KATNIP: variants seen among roughly 807,000 people sequenced by gnomAD.
KATNIP encodes katanin interacting protein, also known as katanin-interacting protein.
KATNIP carries 126 observed loss-of-function variants against 174.0 expected under a neutral mutation model. The ratio of observed to expected loss-of-function variants is 0.72; its 90% CI spans 0.63 to 0.84. KATNIP has a LOEUF of 0.84. Among genes scored for constraint, KATNIP ranks in the 40% least tolerant of loss-of-function variants. The probability of loss-of-function intolerance (pLI) is 0.00; values close to 1 mark genes in which losing one functional copy is unlikely to be tolerated. For synonymous variants in KATNIP, 810 were observed against 835.7 expected (o/e 0.97, Z 0.53); for missense variants, 1,958 against 2,109.7 (o/e 0.93, Z 1.41).
At position 27,578,966 on chromosome 16, in the gene KATNIP, G is replaced by A. The variant is rs554473248; in HGVS notation, c.63+5010G>A. On this transcript the variant is annotated intron_variant, in intron 2 of 27. Transcript: ENST00000261588. ...AGTTCAGCTGGTAAAAATATTCTTA[G>A]CCTCATTTCTAACAAGTATTCATGG... Among the ~76,000 whole-genome samples, 105 of 152,276 alleles carry A rather than the reference G, an allele frequency of 6.9e-4. 1 individual carries two copies. Among genetic ancestry groups the A allele is most frequent in the South Asian group, 1.9e-3 (9 of 4,826 alleles).
intron 6 of KATNIP, among the ~76,000 whole-genome samples, chr16:27,664,989 A>G (rs2142543856): frequency 6.6e-6 from 1 of 152,336 alleles, no homozygotes; most frequent in Non-Finnish European, 1.5e-5. Flanking sequence ...AAGGGGCAGC[A>G]GAGAGGCTCA....
chr16:27,575,058 T>A (rs1055307242), intron 2 of KATNIP, among the ~76,000 whole-genome samples: 1 of 152,214 alleles, frequency 6.6e-6, no homozygotes, highest in African/African-American at 2.4e-5. Flanking sequence ...CAGTCCTTGA[T>A]CTCAGAGTAT....
chr16:27,719,845 A>AT (rs1419233838), intron 13 of KATNIP, among the ~76,000 whole-genome samples: 1 of 150,372 alleles, frequency 6.7e-6, no homozygotes, highest in Non-Finnish European at 1.5e-5. Context: ...AATTTTTAAA[A>AT]TTTTTTTGTA....
intron 5 of KATNIP, among the ~76,000 whole-genome samples, chr16:27,641,409 C>G (rs76225628): frequency 0.022 from 3,322 of 152,196 alleles, 137 homozygotes; most frequent in African/African-American, 0.076. Flanking sequence ...CTCTTCCATG[C>G]CCCAGAACCA....
chr16:27,642,813 G>A (rs2076843458), intron 5 of KATNIP, among the ~76,000 whole-genome samples: 1 of 125,346 alleles, frequency 8.0e-6, no homozygotes, highest in East Asian at 2.2e-4. Context: ...TCACCGTGTT[G>A]CCTAGGCTGC....
chr16:27,743,033 C>T (rs1259749230), intron 15 of KATNIP, among the ~76,000 whole-genome samples: 1 of 152,212 alleles, frequency 6.6e-6, no homozygotes, highest in Admixed American at 6.5e-5. Context: ...CAACAGGCCA[C>T]AGTGTGTGAT....
intron 5 of KATNIP, among the ~76,000 whole-genome samples, chr16:27,635,520 G>A (rs2076606582): frequency 6.6e-6 from 1 of 152,012 alleles, no homozygotes; most frequent in South Asian, 2.1e-4. Flanking sequence ...AACTACATGT[G>A]TCATGAATGA....
rs956197494 is a variant in KATNIP at position 27,780,179 on chromosome 16, C to T, written c.*1550C>T. The T allele has an allele frequency of 3.3e-5, 5 of 152,084 alleles. No individual in the cohort carries two copies. The highest frequency in any genetic ancestry group is 1.2e-4 in the African/African-American group (5 of 41,372). The allele number at this position is 152,084 out of a possible 1,614,324, so 9.4% of individuals were successfully genotyped here. A position where few individuals can be genotyped will look rare whatever the true frequency, so the allele number is the denominator to read the frequency against. On this transcript the variant is annotated 3_prime_UTR_variant, in exon 28 of 28. Transcript: ENST00000261588. ...CTCCTTCCCAGCTGAGATGTGGGTA[C>T]AGGTCAGATTTGTCAGGGAGATGGC...
At position 27,659,948 on chromosome 16, in the gene KATNIP, C is replaced by A. The variant is rs1014783893; in HGVS notation, c.540+11213C>A. The A allele has an allele frequency of 3.5e-5, 34 of 965,080 alleles. 1 individual carries two copies. In the African/African-American group the frequency reaches 5.5e-4, roughly 16 times the overall value. 59.8% of individuals were successfully genotyped at this position (965,080 alleles called of 1,614,324 possible). The stretch of plus-strand genomic sequence containing the variant: ...GCATGCACCCCCAGTTTGGCCTGGT[C>A]CCCACTACCTATTGTACAACACTGT... On this transcript the variant is annotated intron_variant, in intron 6 of 27. Transcript: ENST00000261588.
chr16:27,745,873 A>T (rs1323443278), intron 15 of KATNIP, among the ~76,000 whole-genome samples: 1 of 150,846 alleles, frequency 6.6e-6, no homozygotes, highest in African/African-American at 2.4e-5. Flanking sequence ...CCCAATTCCC[A>T]TGGAGTCTGC....
At chr16:27,596,320 A>T (rs1433938832) in intron 2 of KATNIP, among the ~76,000 whole-genome samples, 1 of 152,078 alleles carries the variant, frequency 6.6e-6, no homozygotes, top group African/African-American at 2.4e-5. Context: ...GAGAGAGAGA[A>T]AAAAAACAAG....
intron 1 of KATNIP, among the ~76,000 whole-genome samples, chr16:27,554,789 C>CT (rs563621813): frequency 0.02 from 1,524 of 77,792 alleles, 75 homozygotes; most frequent in African/African-American, 0.065. Context: ...TTGATTTACA[C>CT]TTTTTTTTTT....
intron 5 of KATNIP, among the ~76,000 whole-genome samples, chr16:27,642,095 C>G (rs1430686188): frequency 6.6e-6 from 1 of 152,206 alleles, no homozygotes; most frequent in Non-Finnish European, 1.5e-5. Context: ...AATTGCGGCA[C>G]TATTCACAAT....
chr16:27,595,083 AGC>A (rs1205663362), intron 2 of KATNIP, among the ~76,000 whole-genome samples: 1 of 152,194 alleles, frequency 6.6e-6, no homozygotes, highest in East Asian at 1.9e-4. Flanking sequence ...GGTAAGGCCC[AGC>A]GGATAAGAAC....
intron 6 of KATNIP, among the ~76,000 whole-genome samples, chr16:27,653,691 C>T (rs1597070471): frequency 6.6e-6 from 1 of 151,120 alleles, no homozygotes; most frequent in Admixed American, 6.6e-5. Context: ...CAAAGTCTCG[C>T]TCTGCCACCC....
chr16:27,732,382 T>C (rs772396703), intron 14 of KATNIP, among the ~76,000 whole-genome samples: 3 of 152,202 alleles, frequency 2.0e-5, no homozygotes, highest in African/African-American at 4.8e-5. Flanking sequence ...AGACCATGAA[T>C]GAAGGTCACT....
chr16:27,591,016 GT>G (rs2075144085), intron 2 of KATNIP, among the ~76,000 whole-genome samples: 1 of 152,096 alleles, frequency 6.6e-6, no homozygotes, highest in Non-Finnish European at 1.5e-5. Flanking sequence ...CTTGCTCTTG[GT>G]TTTCCAAACT....
chr16:27,577,772 C>T (rs745376868), intron 2 of KATNIP, among the ~76,000 whole-genome samples: 3 of 152,064 alleles, frequency 2.0e-5, no homozygotes, highest in Non-Finnish European at 4.4e-5. Flanking sequence ...ACCCTGGAGG[C>T]TGAGGCGGGA....
chr16:27,654,807 G>T, intron 6 of KATNIP: 3 of 1,305,682 alleles, frequency 2.3e-6, no homozygotes, highest in Non-Finnish European at 3.1e-6. Context: ...AGCTGTGCCT[G>T]CCTTAAGATG....
Sources: allele counts gnomAD v4.1 joint callset (sites outside exome capture counted in the v4.1 genomes callset), GRCh38; gene constraint gnomAD v4.1.1; transcripts MANE v1.5; gene names NCBI Gene and HGNC (gene_info 2026-07-23, HGNC 2026-07-21).